GUCY1B1: variants seen among roughly 807,000 people sequenced by gnomAD.
The protein encoded by GUCY1B1 is guanylate cyclase 1 soluble subunit beta 1, also known as guanylate cyclase soluble subunit beta-1.
GUCY1B1 carries 43 observed loss-of-function variants against 71.0 expected under a neutral mutation model. That is an observed-to-expected ratio of 0.61 (90% confidence interval 0.47 to 0.78). The LOEUF (loss-of-function observed/expected upper bound fraction) is 0.78. Ranked by LOEUF, GUCY1B1 falls within the 30% of genes least tolerant of loss-of-function variation. GUCY1B1 has a pLI of 0.00. For synonymous variants in GUCY1B1, 266 were observed against 259.7 expected, an observed-to-expected ratio of 1.02 and a Z score of -0.23; for missense variants, 535 against 754.1, an observed-to-expected ratio of 0.71 and a Z score of 3.40.
intron 5 of GUCY1B1, among the ~76,000 whole-genome samples, chr4:155,791,657 G>A (rs954265145): frequency 2.0e-5 from 3 of 150,864 alleles, no homozygotes; most frequent in Non-Finnish European, 4.4e-5. Context: ...CTTGAACCCG[G>A]GAGGCACAGG....
chr4:155,785,047 A>T (rs1738672397), intron 4 of GUCY1B1, among the ~76,000 whole-genome samples: 1 of 152,162 alleles, frequency 6.6e-6, no homozygotes, highest in Non-Finnish European at 1.5e-5. Flanking sequence ...TTTATAAATG[A>T]TAAATGCAAG....
At chr4:155,767,926 A>G (rs2110989798) in intron 2 of GUCY1B1, among the ~76,000 whole-genome samples, 1 of 152,282 alleles carries the variant, frequency 6.6e-6, no homozygotes, top group East Asian at 1.9e-4. Flanking sequence ...ATGCAACATT[A>G]TGGTACCAAT....
At chr4:155,773,635 C>A (rs982635623) in intron 2 of GUCY1B1, among the ~76,000 whole-genome samples, 2 of 152,200 alleles carry the variant, frequency 1.3e-5, no homozygotes, top group Non-Finnish European at 2.9e-5. Context: ...CTACTGGTGA[C>A]AACATCCTTT....
chr4:155,763,945 TTACTTGAAAGA>T (rs1269252103), intron 2 of GUCY1B1, among the ~76,000 whole-genome samples: 1 of 152,192 alleles, frequency 6.6e-6, no homozygotes, highest in East Asian at 1.9e-4. Context: ...GTTCCCCAAT[TTACTTGAAAGA>T]TATTAAGCCC....
chr4:155,772,506 C>T (rs964950926), intron 2 of GUCY1B1: 17 of 488,546 alleles, frequency 3.5e-5, no homozygotes, highest in Middle Eastern at 5.6e-4. Flanking sequence ...CCTCAACTCC[C>T]GAGGCTCAAG....
rs940021861 is a variant in GUCY1B1 at position 155,806,268 on chromosome 4, C to T, written c.1837-118C>T. 42 of 608,934 alleles carry T rather than the reference C, an allele frequency of 6.9e-5. No homozygotes were observed. In the African/African-American group the frequency reaches 7.1e-4, roughly 10 times the overall value. The allele number at this position is 608,934 out of a possible 1,614,324, so 37.7% of individuals were successfully genotyped here. On this transcript the variant is annotated intron_variant, in intron 13 of 13. Coordinates refer to ENST00000264424, the MANE Select transcript of GUCY1B1 (RefSeq NM_000857.5). ...CCAGAATTATGGTGGGAATGATTTA[C>T]AGAAACTGTAGATGTGAACGTGGAT...
chr4:155,762,721 G>A (rs899460912), intron 2 of GUCY1B1, among the ~76,000 whole-genome samples: 35 of 152,164 alleles, frequency 2.3e-4, no homozygotes, highest in African/African-American at 8.4e-4. Flanking sequence ...AATGTTTTAG[G>A]TGTTACAGGC....
At chr4:155,782,200 C>G (rs1340473335) in intron 4 of GUCY1B1, among the ~76,000 whole-genome samples, 5 of 152,100 alleles carry the variant, frequency 3.3e-5, no homozygotes, top group African/African-American at 9.7e-5. Flanking sequence ...CTCAGCCGCC[C>G]GAGTAGCTGG....
chr4:155,797,199 A>G (rs1323963791), intron 8 of GUCY1B1, among the ~76,000 whole-genome samples: 1 of 152,174 alleles, frequency 6.6e-6, no homozygotes, highest in Non-Finnish European at 1.5e-5. Flanking sequence ...TTATTGTGAG[A>G]TGATATTCTG....
intron 2 of GUCY1B1, among the ~76,000 whole-genome samples, chr4:155,762,709 T>C (rs57625291): frequency 0.05 from 7,592 of 152,272 alleles, 609 homozygotes; most frequent in African/African-American, 0.17. Context: ...GGCCAGATAG[T>C]AAATGTTTTA....
At chr4:155,778,340 T>C (rs1176363193) in intron 4 of GUCY1B1, among the ~76,000 whole-genome samples, 1 of 152,228 alleles carries the variant, frequency 6.6e-6, no homozygotes, top group Non-Finnish European at 1.5e-5. Context: ...TATACTATTT[T>C]AAGCATTGAC....
At chr4:155,804,443 T>C (rs1444606464) in intron 11 of GUCY1B1, 150 bp from the exon 12 acceptor site, 4 of 614,114 alleles carry the variant, frequency 6.5e-6, no homozygotes, top group East Asian at 5.4e-5. Context: ...AATGGGTTGA[T>C]AGGTGCAGCA....
intron 11 of GUCY1B1, among the ~76,000 whole-genome samples, chr4:155,804,297 G>A (rs1482944939): frequency 1.3e-5 from 2 of 152,078 alleles, no homozygotes; most frequent in Admixed American, 6.6e-5. Flanking sequence ...TCACTCATAA[G>A]TTGGAGCTGA....
intron 11 of GUCY1B1, among the ~76,000 whole-genome samples, 175 bp downstream of exon 11, chr4:155,803,939 T>G (rs916192973): frequency 6.6e-6 from 1 of 152,212 alleles, no homozygotes; most frequent in South Asian, 2.1e-4. Context: ...TGGAGATTTA[T>G]CTACCTGTTT....
Position 155,793,790 on chromosome 4 carries a change from AT to A in GUCY1B1, c.496-65del, listed in dbSNP as rs1351585660. On this transcript the variant is annotated intron_variant, in intron 5 of 13. Coordinates refer to ENST00000264424, the MANE Select transcript of GUCY1B1 (RefSeq NM_000857.5). ...ATGCAGTATTCATAACTCATTTTTT[AT>A]ATTTAGGTATTTTTATTAAACTGAA... 4.2e-5 allele frequency: 31 copies of A among 731,124 alleles called. No individual in the cohort carries two copies. In the East Asian group the frequency reaches 7.9e-4, roughly 19 times the overall value. 45.3% of individuals were successfully genotyped at this position (731,124 alleles called of 1,614,324 possible).
At chr4:155,782,905 T>C (rs867726277) in intron 4 of GUCY1B1, among the ~76,000 whole-genome samples, 4 of 152,180 alleles carry the variant, frequency 2.6e-5, no homozygotes, top group Admixed American at 6.5e-5. Flanking sequence ...AGCAAAGAGC[T>C]GGAAATAACT....
chr4:155,806,194 C>T (rs777096415), intron 13 of GUCY1B1, among the ~76,000 whole-genome samples, 192 bp from the exon 14 acceptor site: 2 of 152,014 alleles, frequency 1.3e-5, no homozygotes, highest in Non-Finnish European at 2.9e-5. Flanking sequence ...TAAACTAAGC[C>T]GTAATTACCT....
intron 11 of GUCY1B1, among the ~76,000 whole-genome samples, chr4:155,804,033 C>T (rs1190496915): frequency 1.3e-5 from 2 of 152,104 alleles, no homozygotes; most frequent in African/African-American, 4.8e-5. Context: ...TTTTTTAAAA[C>T]CTCTTTCATG....
At chr4:155,806,292 A>C (rs1450661918) in intron 13 of GUCY1B1, 94 bp from the exon 14 acceptor site, 2 of 774,238 alleles carry the variant, frequency 2.6e-6, no homozygotes, top group African/African-American at 1.7e-5. Flanking sequence ...GTGAACGTGG[A>C]TCACACTCTC....
Sources: gnomAD v4.1 joint callset for allele counts (sites outside exome capture counted in the v4.1 genomes callset) on GRCh38, gnomAD v4.1.1 for gene constraint, MANE v1.5 for transcripts, NCBI Gene and HGNC (gene_info 2026-07-23, HGNC 2026-07-21) for gene names.